BBX: variants seen among roughly 807,000 people sequenced by gnomAD.
BBX encodes the protein HMG box transcription factor BBX.
A neutral mutation model predicts 100.2 loss-of-function variants in BBX; 30 were observed. That is an observed-to-expected ratio of 0.30 (90% CI 0.22 to 0.41). The LOEUF (loss-of-function observed/expected upper bound fraction) is 0.41. BBX is among the 10% of genes least tolerant of loss of function. The pLI, the probability that BBX is intolerant of heterozygous loss-of-function variation, is 1.00. For synonymous variants in BBX, 376 were observed against 388.1 expected (o/e 0.97, Z 0.37); for missense variants, 1,023 against 1,129.8 (o/e 0.91, Z 1.35).
chr3:107,588,302 T>G (rs2107581456), intron 2 of BBX, among the ~76,000 whole-genome samples: 1 of 147,978 alleles, frequency 6.8e-6, no homozygotes, highest in South Asian at 2.2e-4. Context: ...GACAGACACT[T>G]TGAGGGCTGT....
chr3:107,541,870 G>A (rs2048891737), intron 2 of BBX, among the ~76,000 whole-genome samples: 1 of 151,484 alleles, frequency 6.6e-6, no homozygotes, highest in Non-Finnish European at 1.5e-5. Context: ...CCAGGCTAGA[G>A]TGCATCGGTG....
At chr3:107,727,077 TAAAAATTTTA>T (rs1417918488) in intron 5 of BBX, among the ~76,000 whole-genome samples, 2 of 151,490 alleles carry the variant, frequency 1.3e-5, no homozygotes, top group Non-Finnish European at 3.0e-5. Flanking sequence ...ACTTTCTTCT[TAAAAATTTTA>T]AACTACCCCC....
chr3:107,670,198 T>C (rs549824960), intron 3 of BBX, among the ~76,000 whole-genome samples: 1 of 152,258 alleles, frequency 6.6e-6, no homozygotes, highest in East Asian at 1.9e-4. Flanking sequence ...ATTTTATTAA[T>C]GTATCAACTT....
At chr3:107,610,962 AG>A (rs1272809366) in intron 2 of BBX, among the ~76,000 whole-genome samples, 14 of 151,780 alleles carry the variant, frequency 9.2e-5, no homozygotes, top group African/African-American at 3.4e-4. Flanking sequence ...CTTTTAGTGA[AG>A]GTGATTTTCA....
At chr3:107,774,932 CACTA>C in intron 12 of BBX, 75 bp downstream of exon 12, 1 of 1,530,154 alleles carries the variant, frequency 6.5e-7, no homozygotes, top group East Asian at 2.3e-5. Flanking sequence ...GTAAACAGAT[CACTA>C]ACTACGCATG....
At chr3:107,725,622 A>G (rs2062866645) in intron 5 of BBX, among the ~76,000 whole-genome samples, 1 of 152,104 alleles carries the variant, frequency 6.6e-6, no homozygotes, top group South Asian at 2.1e-4. Flanking sequence ...AGTAGACAAA[A>G]TACTGTGACA....
At chr3:107,544,831 C>G (rs1576245563) in intron 2 of BBX, among the ~76,000 whole-genome samples, 1 of 147,900 alleles carries the variant, frequency 6.8e-6, no homozygotes, top group East Asian at 1.9e-4. Context: ...CAGTGAAACC[C>G]TGTCTCTACT....
rs1249244036 is a variant in BBX at position 107,572,908 on chromosome 3, C to G, written c.-84+46510C>G. The stretch of plus-strand genomic sequence containing the variant: ...ACCGGTGTACCCAATATATGTGTTT[C>G]TTGGCTTATTTAAAAATTTTAAGTA... On this transcript the variant is annotated intron_variant, in intron 2 of 17. Transcript: ENST00000325805. Among the ~76,000 whole-genome samples the G allele has an allele frequency of 2.0e-5, 3 of 152,174 alleles. No homozygotes were observed. The East Asian group carries it at 5.8e-4, about 29-fold the overall frequency.
Position 107,806,455 on chromosome 3 carries a change from C to T in BBX, c.*998C>T, listed in dbSNP as rs1255983010. Reference sequence around the variant, plus strand: ...CTTGGAGCTACAGACCTTTTACATCCATCACAGATTGGCTGGACGGGTTGC... The same window carrying T: ...CTTGGAGCTACAGACCTTTTACATCTATCACAGATTGGCTGGACGGGTTGC... On this transcript the variant is annotated 3_prime_UTR_variant, in exon 18 of 18. Coordinates refer to ENST00000325805, the MANE Select transcript of BBX (RefSeq NM_001142568.3). 6.6e-6 allele frequency: 1 copy of T among 152,202 alleles called. No homozygotes were observed. The highest frequency in any genetic ancestry group is 1.9e-4 in the East Asian group (1 of 5,198). The allele number at this position is 152,202 out of a possible 1,614,324, so 9.4% of individuals were successfully genotyped here. A position where few individuals can be genotyped will look rare whatever the true frequency, so the allele number is the denominator to read the frequency against.
rs1243354293 is a variant in BBX at position 107,791,163 on chromosome 3, C to T, written c.2294-77C>T. The T allele has an allele frequency of 9.9e-6, 12 of 1,209,394 alleles. No homozygotes were observed. The East Asian group carries it at 2.6e-4, about 26-fold the overall frequency. The allele number at this position is 1,209,394 out of a possible 1,614,324, so 74.9% of individuals were successfully genotyped here. ...ATGTTTCAAAAGTTAGTTTGTATAT[C>T]ATCTTGTTTTTGTAGTATGGGGAAT... is the stretch of plus-strand genomic sequence containing the variant. On this transcript the variant is annotated intron_variant, in intron 14 of 17. Coordinates refer to ENST00000325805, the MANE Select transcript of BBX (RefSeq NM_001142568.3).
At chr3:107,576,898 G>T (rs961405241) in intron 2 of BBX, among the ~76,000 whole-genome samples, 3 of 152,016 alleles carry the variant, frequency 2.0e-5, no homozygotes, top group African/African-American at 4.8e-5. Flanking sequence ...GTCTCACTCT[G>T]TCTCCAGGCT....
chr3:107,776,150 T>A (rs2067301337), intron 12 of BBX: 3 of 152,284 alleles, frequency 2.0e-5, no homozygotes, highest in Middle Eastern at 3.4e-3. Context: ...GTGGGTCTGC[T>A]CACTGAGAGA....
At chr3:107,528,562 A>G (rs1576175447) in intron 2 of BBX, among the ~76,000 whole-genome samples, 2 of 152,342 alleles carry the variant, frequency 1.3e-5, no homozygotes, top group South Asian at 4.1e-4. Context: ...CTTTTAACAT[A>G]CTTTGAAAAT....
intron 3 of BBX, among the ~76,000 whole-genome samples, chr3:107,673,479 C>T (rs2059126415): frequency 6.6e-6 from 1 of 151,902 alleles, no homozygotes; most frequent in Non-Finnish European, 1.5e-5. Context: ...CCTACCTGCC[C>T]ACCCCAAAAA....
rs1014166978 is a variant in BBX, at chr3:107,530,768, G to T, written c.-84+4370G>T. ...CTTTAACATCCCAATCCACATAAAA[G>T]AACTGAAACAAGTTTCCTGAAACAG... On this transcript the variant is annotated intron_variant, in intron 2 of 17. Transcript: ENST00000325805. 2.6e-5 allele frequency among the ~76,000 whole-genome samples: 4 copies of T among 152,174 alleles called. No homozygotes were observed. In the East Asian group the frequency reaches 7.7e-4, roughly 29 times the overall value.
intron 1 of BBX, among the ~76,000 whole-genome samples, chr3:107,525,700 A>G (rs2047715548): frequency 6.6e-6 from 1 of 151,490 alleles, no homozygotes; most frequent in African/African-American, 2.4e-5. Context: ...AGCTCCCCCC[A>G]CCCCGACCTC....
At chr3:107,779,537 G>A (rs1460728721) in intron 13 of BBX, among the ~76,000 whole-genome samples, 1 of 152,018 alleles carries the variant, frequency 6.6e-6, no homozygotes, top group African/African-American at 2.4e-5. Flanking sequence ...AGGATTTGCT[G>A]GAAGAGTTAT....
In BBX at chr3:107,698,309, T is replaced by C. The variant is rs528945682; in HGVS notation, c.-9-12143T>C. Among the ~76,000 whole-genome samples the C allele has an allele frequency of 3.4e-4, 52 of 151,792 alleles. 3 individuals are homozygous for C. Among genetic ancestry groups the C allele is most frequent in the African/African-American group, 1.2e-3 (51 of 41,156 alleles). On this transcript the variant is annotated intron_variant, in intron 3 of 17. Transcript: ENST00000325805. ...AACTTTTACCATTTTAGATGAAATT[T>C]AATATATATATATGTTTTTTTTAAA...
intron 2 of BBX, among the ~76,000 whole-genome samples, chr3:107,532,571 T>C (rs2048234321): frequency 6.6e-6 from 1 of 152,128 alleles, no homozygotes; most frequent in Non-Finnish European, 1.5e-5. Flanking sequence ...AGGGGCAAGC[T>C]AAGGAGAAGA....
Sources: gnomAD v4.1 joint callset for allele counts (sites outside exome capture counted in the v4.1 genomes callset) on GRCh38, gnomAD v4.1.1 for gene constraint, MANE v1.5 for transcripts, NCBI Gene and HGNC (gene_info 2026-07-23, HGNC 2026-07-21) for gene names.